SP140: variants seen among roughly 807,000 people sequenced by gnomAD.
The protein encoded by SP140 is nuclear body protein SP140.
Under a neutral mutation model 125.0 loss-of-function variants are expected in SP140, and 81 were observed. That is an observed-to-expected ratio of 0.65 (90% CI 0.54 to 0.78). SP140 has a LOEUF of 0.78. Among genes scored for constraint, SP140 ranks in the 30% least tolerant of loss-of-function variants. SP140 has a pLI of 0.00. For missense variants in SP140, 858 were observed against 1,037.0 expected (o/e 0.83, Z 2.37); for synonymous variants, 312 against 354.0 (o/e 0.88, Z 1.33).
chr2:230,282,265 C>T (rs1403087421), intron 15 of SP140, among the ~76,000 whole-genome samples: 1 of 152,178 alleles, frequency 6.6e-6, no homozygotes, highest in Non-Finnish European at 1.5e-5. Flanking sequence ...GTCAGGGATA[C>T]ATTTGCCCTA....
chr2:230,236,686 A>G (rs2048059968), intron 1 of SP140, among the ~76,000 whole-genome samples: 1 of 152,220 alleles, frequency 6.6e-6, no homozygotes, highest in South Asian at 2.1e-4. Context: ...AAATTCACCA[A>G]TGTAAATGTT....
rs138339396 is a variant in SP140 at position 230,255,494 on chromosome 2, G to A, written c.1202G>A (p.Arg401His). 3.9e-5 allele frequency: 63 copies of A among 1,613,306 alleles called. No homozygotes were observed. The highest frequency in any genetic ancestry group is 5.3e-5 in the Non-Finnish European group (62 of 1,179,754). The change falls in exon 12 of 27, where the codon CGC (arginine) becomes CAC (histidine). Residue 401 changes from arginine to histidine, a missense_variant. Coordinates refer to ENST00000392045, the MANE Select transcript of SP140 (RefSeq NM_007237.5). ...DCSEMCDGEE[R>H]QEASSSLARR... is the part of the protein sequence containing the mutation. ...TCGGAAATGTGTGATGGAGAAGAGC[G>A]CCAGGAAGCCTCTAGCTCCCTAGCA... is the stretch of plus-strand genomic sequence containing the variant.
the SP140 span, among the ~76,000 whole-genome samples, chr2:230,190,018 G>A: frequency 6.6e-6 from 1 of 152,172 alleles, no homozygotes; most frequent in African/African-American, 2.4e-5. Flanking sequence ...AAACATACAT[G>A]TGCATGTGTC....
the SP140 span, among the ~76,000 whole-genome samples, chr2:230,194,420 C>G: frequency 6.6e-6 from 1 of 151,068 alleles, no homozygotes; most frequent in African/African-American, 2.4e-5. Context: ...GACAACATAG[C>G]AAGACCTGGT....
At chr2:230,265,123 G>C (rs115712013) in intron 12 of SP140, among the ~76,000 whole-genome samples, 4 of 151,944 alleles carry the variant, frequency 2.6e-5, no homozygotes, top group African/African-American at 4.8e-5. Context: ...TAAGACTCTC[G>C]TTGGACATGT....
intron 22 of SP140, among the ~76,000 whole-genome samples, chr2:230,308,880 C>T (rs2059066524): frequency 6.6e-6 from 1 of 152,134 alleles, no homozygotes; most frequent in Admixed American, 6.5e-5. Context: ...TAATTTTAGT[C>T]CTTACAGCAC....
At chr2:230,215,118 C>G (rs758667092) in intron 3 of SP140, 23 of 1,612,178 alleles carry the variant, frequency 1.4e-5, no homozygotes, top group Non-Finnish European at 1.9e-5. Flanking sequence ...TCCAGAGATT[C>G]CTATAAAAAT....
chr2:230,209,847 G>T, intron 1 of SP140: 1 of 831,582 alleles, frequency 1.2e-6, no homozygotes, highest in South Asian at 1.3e-5. Flanking sequence ...ACATAGTGGT[G>T]CTCTTGACAA....
chr2:230,234,359 C>G (rs764091349), intron 1 of SP140, among the ~76,000 whole-genome samples: 1 of 152,128 alleles, frequency 6.6e-6, no homozygotes, highest in Non-Finnish European at 1.5e-5. Flanking sequence ...ACCCATTGCT[C>G]CAAGGGAGGT....
rs1040880747 is a variant in SP140 at position 230,237,028 on chromosome 2, C to T, written c.60-55C>T. 110 of 1,436,060 alleles carry T rather than the reference C, an allele frequency of 7.7e-5. No individual in the cohort carries two copies. The highest frequency in any genetic ancestry group is 7.0e-5 in the Non-Finnish European group (75 of 1,075,602). 89.0% of individuals were successfully genotyped at this position (1,436,060 alleles called of 1,614,324 possible). On this transcript the variant is annotated intron_variant, in intron 1 of 26. Transcript: ENST00000392045. The surrounding 1 kb of genome is among the most constrained non-coding windows in gnomAD (Gnocchi z 5.4). ...TTCATGTCTAAAATCTTCTAACCACCACAAACCTCTTGGAAACTCAGTGTC... is the reference window on the plus strand; with the variant it reads ...TTCATGTCTAAAATCTTCTAACCACTACAAACCTCTTGGAAACTCAGTGTC...
intron 15 of SP140, among the ~76,000 whole-genome samples, chr2:230,277,338 G>A (rs891249626): frequency 6.6e-6 from 1 of 152,092 alleles, no homozygotes; most frequent in Non-Finnish European, 1.5e-5. Context: ...GAAGGCTCAA[G>A]TGATCATGAG....
intron 12 of SP140, among the ~76,000 whole-genome samples, chr2:230,266,191 T>C (rs1167304750): frequency 6.6e-6 from 1 of 152,226 alleles, no homozygotes; most frequent in East Asian, 1.9e-4. Context: ...TTGTAACATT[T>C]CTTTATATAA....
chr2:230,247,839 C>G, intron 7 of SP140, 77 bp from the exon 8 acceptor site: 1 of 1,447,270 alleles, frequency 6.9e-7, no homozygotes, highest in Admixed American at 1.9e-5. Flanking sequence ...TCACTACAAT[C>G]TCCATCATGC....
chr2:230,228,349 AC>A (rs1212621185), intron 1 of SP140, among the ~76,000 whole-genome samples: 1 of 152,230 alleles, frequency 6.6e-6, no homozygotes, highest in Admixed American at 6.5e-5. Flanking sequence ...CTTAAAAAGT[AC>A]ATGCATTCTG....
At chr2:230,236,998 C>T in intron 1 of SP140, 85 bp from the exon 2 acceptor site, 1 of 1,000,386 alleles carries the variant, frequency 1.0e-6, no homozygotes. Context: ...CTCCATTGGC[C>T]ATCCTTCATG....
intron 3 of SP140, chr2:230,219,479 A>G (rs1355041182): frequency 2.0e-5 from 3 of 152,224 alleles, no homozygotes; most frequent in African/African-American, 4.8e-5. Flanking sequence ...GAGAAAATAT[A>G]TAAAAAGTTC....
intron 3 of SP140, chr2:230,239,138 C>T: frequency 2.1e-6 from 2 of 940,352 alleles, no homozygotes; most frequent in Non-Finnish European, 2.8e-6. Flanking sequence ...TACCTTGATT[C>T]AAAAAAGAGG....
Position 230,269,897 on chromosome 2 carries a change from A to T in SP140, c.1388A>T (p.Glu463Val). Residue 463 changes from glutamate to valine, a missense_variant, in exon 14 of 27, where the codon GAG (glutamate) becomes GTG (valine). Glu to Val is a moderately radical substitution (Grantham distance 121). Coordinates refer to ENST00000392045, the MANE Select transcript of SP140 (RefSeq NM_007237.5). ...KCSCVMCFSEEVPGSPEARTE... is the reference protein window; with the variant it reads ...KCSCVMCFSEVVPGSPEARTE... ...TCCTGTGTCATGTGTTTCTCAGAAGAGGTGCCAGGAAGCCCAGAAGCAAGG... is the reference window on the plus strand; with the variant it reads ...TCCTGTGTCATGTGTTTCTCAGAAGTGGTGCCAGGAAGCCCAGAAGCAAGG... 1 of 1,614,106 alleles carries T rather than the reference A, an allele frequency of 6.2e-7. No homozygotes were observed. The highest frequency in any genetic ancestry group is 2.2e-5 in the East Asian group (1 of 44,876).
At chr2:230,222,069 AAC>A (rs1181695906), upstream of SP140, among the ~76,000 whole-genome samples, 2 of 152,178 alleles carry the variant, frequency 1.3e-5, no homozygotes, top group Non-Finnish European at 2.9e-5. Context: ...CTCTACTAAA[AAC>A]ACAAAAAAAT....
Sources: allele counts gnomAD v4.1 joint callset (sites outside exome capture counted in the v4.1 genomes callset), GRCh38; gene constraint gnomAD v4.1.1; non-coding constraint Gnocchi (gnomAD v3.1); transcripts MANE v1.5; gene names NCBI Gene and HGNC (gene_info 2026-07-23, HGNC 2026-07-21).